The following PCDH7 variants were observed in gnomAD, a reference collection of about 807,000 sequenced individuals.
PCDH7 encodes protocadherin-7.
PCDH7 carries 17 observed loss-of-function variants against 58.9 expected under a neutral mutation model. That is an observed-to-expected ratio of 0.29 (90% confidence interval 0.20 to 0.43). The LOEUF (loss-of-function observed/expected upper bound fraction) is 0.43. PCDH7 is among the 20% of genes least tolerant of loss of function. The pLI, the probability that PCDH7 is intolerant of heterozygous loss-of-function variation, is 1.00. For synonymous variants in PCDH7, 664 were observed against 616.4 expected (o/e 1.08, Z -1.14); for missense variants, 1,274 against 1,441.0 (o/e 0.88, Z 1.88).
In PCDH7 at chr4:30,908,365, A is replaced by G. The variant is rs188482396; in HGVS notation, c.71-11788A>G. 2.5e-3 allele frequency among the ~76,000 whole-genome samples: 384 copies of G among 152,292 alleles called. 2 individuals are homozygous for G. Among genetic ancestry groups the G allele is most frequent in the African/African-American group, 8.9e-3 (369 of 41,558 alleles). On this transcript the variant is annotated intron_variant, in intron 1 of 3. Transcript: ENST00000509759. Reference sequence around the variant, plus strand: ...AAAAAAGTGAAAGCACAAATGCCCAATGCTAAGGTGATATAGATTAATTAG... The same window carrying G: ...AAAAAAGTGAAAGCACAAATGCCCAGTGCTAAGGTGATATAGATTAATTAG...
chr4:31,128,308 A>G (rs1203053008), intron 3 of PCDH7, among the ~76,000 whole-genome samples: 1 of 152,036 alleles, frequency 6.6e-6, no homozygotes, highest in Non-Finnish European at 1.5e-5. Flanking sequence ...TAAACTGTCC[A>G]TGATTATACC....
rs554765676 is a variant in PCDH7 at position 31,067,470 on chromosome 4, T to G, written c.*8-75003T>G. ...TTACACTTTTGAGATTCAGTTTCTTTCTCTGAAAAATGAGGATCGTGCCAG... is the reference window on the plus strand; with the variant it reads ...TTACACTTTTGAGATTCAGTTTCTTGCTCTGAAAAATGAGGATCGTGCCAG... On this transcript the variant is annotated intron_variant, in intron 3 of 3. Transcript: ENST00000509759. 2.2e-4 allele frequency among the ~76,000 whole-genome samples: 33 copies of G among 151,984 alleles called. 1 individual carries two copies. The highest frequency in any genetic ancestry group is 7.7e-4 in the African/African-American group (32 of 41,480).
chr4:30,871,172 T>C (rs1735527237), intron 1 of PCDH7, among the ~76,000 whole-genome samples: 1 of 152,120 alleles, frequency 6.6e-6, no homozygotes, highest in Non-Finnish European at 1.5e-5. Flanking sequence ...TTTGATTTTA[T>C]GCTTATTAGT....
intron 3 of PCDH7, among the ~76,000 whole-genome samples, chr4:31,004,100 A>T (rs1279344056): frequency 6.6e-6 from 1 of 152,290 alleles, no homozygotes; most frequent in Middle Eastern, 3.4e-3. Context: ...CTTCACAGCT[A>T]TTGTGACCAC....
chr4:31,095,170 G>A (rs1011172951), intron 3 of PCDH7, among the ~76,000 whole-genome samples: 4 of 151,308 alleles, frequency 2.6e-5, no homozygotes, highest in African/African-American at 7.3e-5. Flanking sequence ...GCACCATTTT[G>A]TTTCCTTTTA....
chr4:30,808,981 T>C (rs1726623506), intron 1 of PCDH7, among the ~76,000 whole-genome samples: 1 of 152,218 alleles, frequency 6.6e-6, no homozygotes, highest in Non-Finnish European at 1.5e-5. Context: ...ACAGTTTCTA[T>C]GCTAAAATGG....
chr4:30,745,793 T>C (rs1287869330), intron 1 of PCDH7, among the ~76,000 whole-genome samples: 1 of 152,142 alleles, frequency 6.6e-6, no homozygotes, highest in Non-Finnish European at 1.5e-5. Flanking sequence ...TGTGTGTGTG[T>C]GCGTGCATGC....
At chr4:30,862,692 T>C (rs1270913246) in intron 1 of PCDH7, among the ~76,000 whole-genome samples, 1 of 152,142 alleles carries the variant, frequency 6.6e-6, no homozygotes, top group Non-Finnish European at 1.5e-5. Context: ...AATTTTGCTT[T>C]TTGCTTTCTT....
At chr4:30,788,248 A>G (rs1723666530) in intron 1 of PCDH7, among the ~76,000 whole-genome samples, 1 of 152,176 alleles carries the variant, frequency 6.6e-6, no homozygotes, top group Non-Finnish European at 1.5e-5. Context: ...TGATATATCA[A>G]CATGAACAAG....
intron 1 of PCDH7, among the ~76,000 whole-genome samples, chr4:30,854,028 C>T (rs1198509590): frequency 6.6e-6 from 1 of 151,928 alleles, no homozygotes; most frequent in Non-Finnish European, 1.5e-5. Flanking sequence ...CGGAAACATT[C>T]TGTTCCATGG....
chr4:31,065,835 T>A (rs971224560), intron 3 of PCDH7, among the ~76,000 whole-genome samples: 1 of 151,926 alleles, frequency 6.6e-6, no homozygotes, highest in African/African-American at 2.4e-5. Context: ...GTCTCTGGAA[T>A]CTTTTGGAAC....
At chr4:30,975,896 A>G (rs538693835) in intron 3 of PCDH7, among the ~76,000 whole-genome samples, 114 of 152,312 alleles carry the variant, frequency 7.5e-4, no homozygotes, top group African/African-American at 2.7e-3. Flanking sequence ...CCTTAACAGC[A>G]TTTCCATTAT....
chr4:30,932,365 C>T (rs1364646802), intron 2 of PCDH7, among the ~76,000 whole-genome samples: 1 of 152,170 alleles, frequency 6.6e-6, no homozygotes, highest in Non-Finnish European at 1.5e-5. Flanking sequence ...AATGATTTGT[C>T]AGGAAGATAT....
At chr4:30,993,412 A>G (rs1751619716) in intron 3 of PCDH7, among the ~76,000 whole-genome samples, 2 of 152,216 alleles carry the variant, frequency 1.3e-5, no homozygotes, top group African/African-American at 4.8e-5. Context: ...CATAATCGAG[A>G]CTGAGTTAAA....
intron 3 of PCDH7, among the ~76,000 whole-genome samples, chr4:31,118,203 TAA>T (rs1717232659): frequency 6.6e-6 from 1 of 152,182 alleles, no homozygotes; most frequent in Non-Finnish European, 1.5e-5. Flanking sequence ...ATGGTTCTTT[TAA>T]AAATCCATGT....
At chr4:31,004,983 G>A (rs6816617) in intron 3 of PCDH7, among the ~76,000 whole-genome samples, 80,220 of 151,926 alleles carry the variant, frequency 0.53, 25,124 homozygotes, top group African/African-American at 0.87. Flanking sequence ...TAAAGCCAAA[G>A]TCCCTCAAAT....
chr4:31,019,105 G>C (rs1753825932), intron 3 of PCDH7, among the ~76,000 whole-genome samples: 1 of 151,960 alleles, frequency 6.6e-6, no homozygotes, highest in South Asian at 2.1e-4. Flanking sequence ...TTGATCCTAA[G>C]AAGGGAATTA....
chr4:31,138,095 G>A (rs1024191714), intron 3 of PCDH7, among the ~76,000 whole-genome samples: 1 of 151,974 alleles, frequency 6.6e-6, no homozygotes, highest in African/African-American at 2.4e-5. Flanking sequence ...GGCATCTTCT[G>A]GAAACATGAA....
intron 1 of PCDH7, among the ~76,000 whole-genome samples, chr4:30,826,976 G>T (rs1294523308): frequency 6.6e-6 from 1 of 151,988 alleles, no homozygotes; most frequent in Admixed American, 6.6e-5. Flanking sequence ...TCTTCCCAGT[G>T]CTACTCTAGA....
Sources: allele counts gnomAD v4.1 joint callset (sites outside exome capture counted in the v4.1 genomes callset), GRCh38; gene constraint gnomAD v4.1.1; transcripts MANE v1.5; gene names NCBI Gene and HGNC (gene_info 2026-07-23, HGNC 2026-07-21).